The following THRB variants were observed in gnomAD, a reference collection of about 807,000 sequenced individuals.
THRB encodes thyroid hormone receptor beta.
Under a neutral mutation model 47.8 loss-of-function variants are expected in THRB, and 12 were observed. The ratio of observed to expected loss-of-function variants is 0.25; its 90% confidence interval spans 0.16 to 0.41. The LOEUF (loss-of-function observed/expected upper bound fraction) is 0.41, where lower values mean the gene tolerates loss of function less well. Ranked by LOEUF, THRB falls within the 10% of genes least tolerant of loss-of-function variation. The probability of loss-of-function intolerance (pLI) is 1.00; values close to 1 mark genes in which losing one functional copy is unlikely to be tolerated. For synonymous variants in THRB, 218 were observed against 212.2 expected (o/e 1.03, Z -0.24); for missense variants, 348 against 589.2 (o/e 0.59, Z 4.24).
At chr3:24,244,304 T>C (rs888591168) in intron 3 of THRB, among the ~76,000 whole-genome samples, 45 of 152,208 alleles carry the variant, frequency 3.0e-4, no homozygotes, top group Non-Finnish European at 7.3e-5. Context: ...TGAAGCATCA[T>C]ACAGGGTGTT....
intron 5 of THRB, among the ~76,000 whole-genome samples, chr3:24,152,970 AAAAGAAAGAAAG>A (rs60859687): frequency 0.011 from 1,374 of 120,910 alleles, 12 homozygotes; most frequent in African/African-American, 0.021. Context: ...CAAAAAAAAA[AAAAGAAAGAAAG>A]AAAGAAAGAA....
At chr3:24,335,639 A>G (rs1299759030) in intron 2 of THRB, among the ~76,000 whole-genome samples, 1 of 152,142 alleles carries the variant, frequency 6.6e-6, no homozygotes, top group Non-Finnish European at 1.5e-5. Flanking sequence ...AAATTCCCTC[A>G]TGCCCCTTGC....
chr3:24,472,451 T>C (rs967986767), intron 1 of THRB, among the ~76,000 whole-genome samples: 4 of 152,150 alleles, frequency 2.6e-5, no homozygotes, highest in African/African-American at 9.6e-5. Context: ...CTGGCCACAA[T>C]TCCTTTTGTC....
At chr3:24,411,599 T>G (rs898488459) in intron 1 of THRB, among the ~76,000 whole-genome samples, 2 of 151,764 alleles carry the variant, frequency 1.3e-5, no homozygotes, top group Non-Finnish European at 2.9e-5. Context: ...AAAGTTAAAT[T>G]TATTACGCTA....
intron 2 of THRB, among the ~76,000 whole-genome samples, chr3:24,321,113 C>A (rs1218312576): frequency 6.6e-6 from 1 of 152,136 alleles, no homozygotes; most frequent in Non-Finnish European, 1.5e-5. Flanking sequence ...ATTATTTATT[C>A]TAAAGTCCAT....
At chr3:24,377,454 G>T (rs1446630540) in intron 1 of THRB, among the ~76,000 whole-genome samples, 1 of 152,064 alleles carries the variant, frequency 6.6e-6, no homozygotes, top group Non-Finnish European at 1.5e-5. Context: ...AGGGGCTGAT[G>T]GCATTATGTG....
At chr3:24,252,060 G>T (rs2050721569) in intron 3 of THRB, among the ~76,000 whole-genome samples, 1 of 152,066 alleles carries the variant, frequency 6.6e-6, no homozygotes, top group African/African-American at 2.4e-5. Flanking sequence ...AAAAGTATTT[G>T]ATCTCCTTGA....
chr3:24,393,419 C>T (rs2066726367), intron 1 of THRB, among the ~76,000 whole-genome samples: 1 of 152,092 alleles, frequency 6.6e-6, no homozygotes, highest in Non-Finnish European at 1.5e-5. Flanking sequence ...ATTAACCTTT[C>T]ACAGAAAAGT....
At chr3:24,236,013 C>A (rs1428976393) in intron 3 of THRB, among the ~76,000 whole-genome samples, 1 of 152,186 alleles carries the variant, frequency 6.6e-6, no homozygotes, top group African/African-American at 2.4e-5. Flanking sequence ...TCTGTGGCAT[C>A]TGGAAGCACA....
At chr3:24,156,786 C>T (rs908508960) in intron 5 of THRB, among the ~76,000 whole-genome samples, 18 of 152,122 alleles carry the variant, frequency 1.2e-4, no homozygotes, top group Non-Finnish European at 1.2e-4. Context: ...TATACTGAAC[C>T]TCCTCAGTTC....
In THRB at chr3:24,122,914, G is replaced by C; in HGVS notation, c.1356C>G (p.Pro452=). Residue 452 remains proline (P), a synonymous_variant, in exon 11 of 11, where the codon CCC becomes CCG. Transcript: ENST00000646209. ...CCTCGAACACTTCCAAGAACAAAGG[G>C]GGGAAGAGTTCTGTGGGGCATTCCA... ...MKVECPTELF[P]PLFLEVFED 1 of 1,614,188 alleles carries C rather than the reference G, an allele frequency of 6.2e-7. No individual in the cohort carries two copies. Among genetic ancestry groups the C allele is most frequent in the East Asian group, 2.2e-5 (1 of 44,888 alleles).
intron 8 of THRB, among the ~76,000 whole-genome samples, chr3:24,137,032 AAAT>A (rs1184069254): frequency 6.6e-6 from 1 of 152,248 alleles, no homozygotes; most frequent in Middle Eastern, 3.2e-3. Flanking sequence ...CCTCAGTTTG[AAAT>A]GACATTTACC....
chr3:24,189,815 T>C (rs577990143), intron 5 of THRB, among the ~76,000 whole-genome samples: 3 of 152,238 alleles, frequency 2.0e-5, no homozygotes, highest in African/African-American at 7.2e-5. Flanking sequence ...CCTCTACTAA[T>C]TAGAGAAGTA....
intron 6 of THRB, among the ~76,000 whole-genome samples, chr3:24,148,685 T>A (rs2036475990): frequency 1.3e-5 from 2 of 152,194 alleles, no homozygotes; most frequent in African/African-American, 4.8e-5. Context: ...TCCCGGTTAA[T>A]GTTCTTTGGC....
At chr3:24,250,116 CAGAA>C (rs963766513) in intron 3 of THRB, among the ~76,000 whole-genome samples, 2 of 152,114 alleles carry the variant, frequency 1.3e-5, no homozygotes, top group African/African-American at 4.8e-5. Flanking sequence ...AAACAAAATC[CAGAA>C]AGAAGAAATT....
At chr3:24,227,263 A>G (rs1394675208) in intron 4 of THRB, among the ~76,000 whole-genome samples, 1 of 152,154 alleles carries the variant, frequency 6.6e-6, no homozygotes, top group Non-Finnish European at 1.5e-5. Flanking sequence ...GCTGTCTGGT[A>G]TCTGTGTGCT....
intron 3 of THRB, among the ~76,000 whole-genome samples, chr3:24,283,084 G>C (rs1188983710): frequency 1.4e-4 from 21 of 151,100 alleles, no homozygotes; most frequent in African/African-American, 4.9e-4. Context: ...CTCATTTTAT[G>C]AGGCCAGCAT....
intron 5 of THRB, among the ~76,000 whole-genome samples, chr3:24,153,045 G>C (rs2037252285): frequency 6.6e-6 from 1 of 151,796 alleles, no homozygotes; most frequent in Admixed American, 6.6e-5. Context: ...GGAATGGCAG[G>C]AAGGCTGTAG....
chr3:24,132,550 G>A (rs1268725337), intron 9 of THRB, among the ~76,000 whole-genome samples: 2 of 152,222 alleles, frequency 1.3e-5, no homozygotes, highest in Non-Finnish European at 2.9e-5. Flanking sequence ...GATAAGTGAA[G>A]TTTGAAGACA....
Sources: gnomAD v4.1 joint callset for allele counts (sites outside exome capture counted in the v4.1 genomes callset) on GRCh38, gnomAD v4.1.1 for gene constraint, MANE v1.5 for transcripts, NCBI Gene and HGNC (gene_info 2026-07-23, HGNC 2026-07-21) for gene names.